Variants in BIN3 observed in about 807,000 individuals in gnomAD.
BIN3 encodes the protein bridging integrator 3.
In BIN3, 41 loss-of-function variants were observed where a neutral mutation model predicts 38.2. That is an observed-to-expected ratio of 1.07 (90% CI 0.84 to 1.39). The LOEUF is 1.39. Ranked by LOEUF, BIN3 falls within the 40% of genes most tolerant of loss-of-function variation. The pLI, the probability that BIN3 is intolerant of heterozygous loss-of-function variation, is 0.00. For missense variants in BIN3, 361 were observed against 324.3 expected, an observed-to-expected ratio of 1.11 and a Z score of -0.87; for synonymous variants, 145 against 122.6, an observed-to-expected ratio of 1.18 and a Z score of -1.21.
intron 4 of BIN3, among the ~76,000 whole-genome samples, chr8:22,632,117 G>A (rs1389471007): frequency 6.6e-6 from 1 of 152,222 alleles, no homozygotes; most frequent in African/African-American, 2.4e-5. Context: ...AGAAAAAATT[G>A]TTGTCAATCA....
chr8:22,658,835 AGGCGGT>A (rs372729062), intron 1 of BIN3, among the ~76,000 whole-genome samples: 5 of 151,752 alleles, frequency 3.3e-5, no homozygotes, highest in African/African-American at 1.2e-4. Context: ...AGCAAAGAGT[AGGCGGT>A]GGTGGTTGAT....
chr8:22,623,815 C>A, intron 8 of BIN3, 100 bp downstream of exon 8: 2 of 1,437,950 alleles, frequency 1.4e-6, no homozygotes, highest in Non-Finnish European at 1.9e-6. Context: ...GGTGCCCTGT[C>A]TTTACGGAGA....
chr8:22,649,377 A>G (rs1364558623), intron 1 of BIN3, among the ~76,000 whole-genome samples: 1 of 82,292 alleles, frequency 1.2e-5, no homozygotes, highest in African/African-American at 3.0e-5. Flanking sequence ...CTTAAAAAGT[A>G]AAGTATTCAC....
intron 6 of BIN3, among the ~76,000 whole-genome samples, chr8:22,628,904 A>G (rs1039703717): frequency 6.6e-6 from 1 of 152,126 alleles, no homozygotes; most frequent in Admixed American, 6.5e-5. Flanking sequence ...ACCCTGTGGC[A>G]TGGGGCTGCG....
intron 4 of BIN3, among the ~76,000 whole-genome samples, chr8:22,635,425 T>C (rs531638506): frequency 2.0e-5 from 3 of 152,220 alleles, no homozygotes; most frequent in Non-Finnish European, 2.9e-5. Flanking sequence ...GTCCTGGCCA[T>C]ACCCAAGTCT....
At chr8:22,622,165 G>A (rs529614142) in intron 8 of BIN3, among the ~76,000 whole-genome samples, 1 of 152,200 alleles carries the variant, frequency 6.6e-6, no homozygotes, top group Admixed American at 6.5e-5. Context: ...GTTGAGGGTG[G>A]GGCAGGTGGA....
chr8:22,636,847 C>T, intron 3 of BIN3, 75 bp downstream of exon 3: 1 of 1,508,422 alleles, frequency 6.6e-7, no homozygotes. Flanking sequence ...GGGCACGGGG[C>T]AGACAGGTGA....
rs368499278 is a variant in BIN3 at position 22,624,020 on chromosome 8, C to T, written c.510G>A (p.Glu170=). The T allele has an allele frequency of 1.2e-6, 2 of 1,613,180 alleles. No homozygotes were observed. The highest frequency in any genetic ancestry group is 2.7e-5 in the African/African-American group (2 of 74,926). ...GCTGCCTGTTCTTGGCTTCAAAGTC[C>T]TCCCGCACAGGCCGCAGCTCCTCTC... ...QAREELRPVR[E]DFEAKNRQLL... Residue 170 remains glutamate, a synonymous_variant, in exon 8 of 9, where the codon GAG becomes GAA. Transcript: ENST00000276416.
intron 1 of BIN3, among the ~76,000 whole-genome samples, chr8:22,649,825 A>G (rs1033560366): frequency 1.9e-5 from 2 of 106,770 alleles, no homozygotes; most frequent in African/African-American, 8.4e-5. Context: ...ACACACACAC[A>G]CACACACACA....
intron 8 of BIN3, among the ~76,000 whole-genome samples, chr8:22,622,010 C>T (rs1040404071): frequency 8.5e-5 from 13 of 152,234 alleles, no homozygotes; most frequent in African/African-American, 2.9e-4. Context: ...AGGGGATGCC[C>T]GTCTAGCCTT....
intron 1 of BIN3, among the ~76,000 whole-genome samples, chr8:22,657,497 A>G (rs572953185): frequency 1.3e-5 from 2 of 152,370 alleles, no homozygotes; most frequent in Admixed American, 1.3e-4. Context: ...AAGTTATTGG[A>G]GTACGATGGG....
chr8:22,626,398 C>T (rs1441321719), intron 6 of BIN3: 2 of 152,358 alleles, frequency 1.3e-5, no homozygotes, highest in East Asian at 3.8e-4. Flanking sequence ...GGAGCCCTGC[C>T]CCCTTCCTGG....
intron 1 of BIN3, among the ~76,000 whole-genome samples, chr8:22,658,410 A>T (rs995266587): frequency 1.3e-5 from 2 of 152,286 alleles, no homozygotes; most frequent in African/African-American, 4.8e-5. Context: ...TATTAGCAGC[A>T]TGATGCCAGT....
At chr8:22,666,503 T>C (rs1429960241) in intron 1 of BIN3, among the ~76,000 whole-genome samples, 1 of 152,072 alleles carries the variant, frequency 6.6e-6, no homozygotes, top group Non-Finnish European at 1.5e-5. Context: ...GAATATCAAA[T>C]GCCTTCTTCC....
intron 1 of BIN3, among the ~76,000 whole-genome samples, chr8:22,653,759 T>C (rs1014796806): frequency 5.3e-5 from 8 of 152,180 alleles, no homozygotes; most frequent in African/African-American, 1.7e-4. Flanking sequence ...TACCACAACA[T>C]AGGCATGCCT....
intron 8 of BIN3, 145 bp from the exon 9 acceptor site, chr8:22,621,713 CG>C: frequency 1.2e-6 from 1 of 858,398 alleles, no homozygotes; most frequent in South Asian, 1.7e-5. Context: ...ATGCAGGGCA[CG>C]GAAGGGCTCT....
intron 4 of BIN3, 39 bp from the exon 5 acceptor site, chr8:22,630,617 G>C (rs1357814442): frequency 1.2e-6 from 2 of 1,610,760 alleles, no homozygotes; most frequent in South Asian, 2.2e-5. Flanking sequence ...TCTATGAAGG[G>C]GCAGGTTTCA....
intron 1 of BIN3, among the ~76,000 whole-genome samples, chr8:22,659,514 G>A (rs150850543): frequency 2.0e-5 from 3 of 152,304 alleles, no homozygotes; most frequent in East Asian, 3.9e-4. Flanking sequence ...AGCACACAAC[G>A]TTAAGTCACA....
intron 2 of BIN3, 59 bp from the exon 3 acceptor site, chr8:22,637,021 C>T (rs1802388956): frequency 6.6e-7 from 1 of 1,507,314 alleles, no homozygotes; most frequent in East Asian, 2.3e-5. Context: ...GAAAAAACCT[C>T]CCAGCCTCCT....
Sources: allele counts gnomAD v4.1 joint callset (sites outside exome capture counted in the v4.1 genomes callset), GRCh38; gene constraint gnomAD v4.1.1; transcripts MANE v1.5; gene names NCBI Gene and HGNC (gene_info 2026-07-23, HGNC 2026-07-21).